Variants in MFSD1 observed in about 807,000 individuals in gnomAD.
The protein encoded by MFSD1 is lysosomal dipeptide transporter MFSD1.
Under a neutral mutation model 67.1 loss-of-function variants are expected in MFSD1, and 59 were observed. The ratio of observed to expected loss-of-function variants is 0.88; its 90% CI spans 0.71 to 1.09. The LOEUF (loss-of-function observed/expected upper bound fraction) is 1.09. MFSD1 is among the 50% of genes least tolerant of loss of function. MFSD1 has a pLI of 0.00. For synonymous variants in MFSD1, 213 were observed against 200.3 expected (o/e 1.06, Z -0.54); for missense variants, 552 against 566.1 (o/e 0.97, Z 0.25).
intron 2 of MFSD1, 119 bp downstream of exon 2, chr3:158,804,490 T>C: frequency 4.4e-6 from 3 of 680,736 alleles, no homozygotes; most frequent in Non-Finnish European, 4.8e-6. Flanking sequence ...TTTTGACATC[T>C]GTAGTCACCA....
chr3:158,807,510 T>C, intron 5 of MFSD1, 47 bp downstream of exon 5: 3 of 1,433,888 alleles, frequency 2.1e-6, no homozygotes, highest in Non-Finnish European at 2.9e-6. Flanking sequence ...ATTGTTTTAG[T>C]GTTCATCTAT....
Position 158,802,148 on chromosome 3 carries a change from G to A in MFSD1, c.-5G>A. The A allele has an allele frequency of 6.2e-7, 1 of 1,612,556 alleles. No homozygotes were observed. Among genetic ancestry groups the A allele is most frequent in the Non-Finnish European group, 8.5e-7 (1 of 1,179,690 alleles). On this transcript the variant is annotated 5_prime_UTR_variant, in exon 1 of 16. Coordinates refer to ENST00000415822, the MANE Select transcript of MFSD1 (RefSeq NM_022736.4). The stretch of plus-strand genomic sequence containing the variant: ...ACTTTCCCCTCTCCGTCTCCTGCGG[G>A]CGCAATGGAGGAGGAGGATGAGGAA...
chr3:158,820,120 T>C, intron 8 of MFSD1, 95 bp from the exon 9 acceptor site: 1 of 674,508 alleles, frequency 1.5e-6, no homozygotes, highest in Non-Finnish European at 2.6e-6. Context: ...TTGCAAAGAT[T>C]AATCACAAGA....
At chr3:158,820,418 T>A in intron 9 of MFSD1, 92 bp downstream of exon 9, 1 of 829,512 alleles carries the variant, frequency 1.2e-6, no homozygotes, top group Non-Finnish European at 2.0e-6. Context: ...TAAATCTTGC[T>A]TCTCTGGTTA....
At chr3:158,807,174 G>A (rs546450473) in intron 4 of MFSD1, 92 bp downstream of exon 4, 1 of 1,220,688 alleles carries the variant, frequency 8.2e-7, no homozygotes, top group African/African-American at 1.5e-5. Context: ...TTTAATTAAT[G>A]CCTAGCTTAA....
rs58055234 is a variant in MFSD1, at chr3:158,819,626, CTTTTTTT to C, written c.653-13_653-7del. The C allele has an allele frequency of 9.0e-5, 101 of 1,120,866 alleles. No homozygotes were observed. The highest frequency in any genetic ancestry group is 4.3e-4 in the Middle Eastern group (2 of 4,700). The allele number at this position is 1,120,866 out of a possible 1,614,324, so 69.4% of individuals were successfully genotyped here. On this transcript the variant is annotated splice_polypyrimidine_tract_variant and intron_variant, in intron 7 of 15. Coordinates refer to ENST00000415822, the MANE Select transcript of MFSD1 (RefSeq NM_022736.4). ...GGTTCTCTTTTCAAAGTCTGTTTTT[CTTTTTTT>C]TTTTTTTTTATTTAGGGGGTATAAC...
At chr3:158,806,477 G>A (rs1729734549) in intron 3 of MFSD1, among the ~76,000 whole-genome samples, 1 of 152,178 alleles carries the variant, frequency 6.6e-6, no homozygotes, top group Non-Finnish European at 1.5e-5. Context: ...TACCCTGATG[G>A]CCTTTAAGGA....
chr3:158,816,686 T>C (rs1200407387), intron 7 of MFSD1, among the ~76,000 whole-genome samples: 1 of 151,600 alleles, frequency 6.6e-6, no homozygotes, highest in African/African-American at 2.4e-5. Context: ...TGGCTTTTGT[T>C]GCCATTGCTT....
At chr3:158,827,358 A>C in intron 15 of MFSD1, 21 bp downstream of exon 15, 1 of 1,391,736 alleles carries the variant, frequency 7.2e-7, no homozygotes, top group Non-Finnish European at 9.7e-7. Flanking sequence ...AAAGGGTAAA[A>C]AGTTGTCTTT....
chr3:158,811,111 A>T (rs1729983769), intron 6 of MFSD1, among the ~76,000 whole-genome samples: 1 of 152,150 alleles, frequency 6.6e-6, no homozygotes, highest in Non-Finnish European at 1.5e-5. Flanking sequence ...TTCTCTGTGT[A>T]TGTATTTTCT....
At chr3:158,815,742 T>C (rs1730295411) in intron 7 of MFSD1, among the ~76,000 whole-genome samples, 1 of 151,752 alleles carries the variant, frequency 6.6e-6, no homozygotes, top group East Asian at 1.9e-4. Context: ...CATGCTGGTG[T>C]GCTGCACCCA....
intron 5 of MFSD1, 27 bp from the exon 6 acceptor site, chr3:158,809,152 G>GTT: frequency 7.5e-7 from 1 of 1,335,354 alleles, no homozygotes; most frequent in Non-Finnish European, 1.0e-6. Context: ...TGTGACTTCT[G>GTT]GTTTTTTTTT....
In MFSD1 at chr3:158,802,307, T is replaced by C. The variant is rs1200449232; in HGVS notation, c.155T>C (p.Leu52Pro). ...RLLVLLLMCF[L>P]GFGSYFCYDN... ...TTGGTGCTGTTACTGATGTGCTTCC[T>C]TGGCTTTGGTGAGCCGGCCGGGTGG... The change falls in exon 1 of 16, where the codon CTT becomes CCT. Residue 52 changes from leucine to proline, a missense_variant. By Grantham distance (98) the Leu-to-Pro change is moderately conservative (BLOSUM62 -3). Coordinates refer to ENST00000415822, the MANE Select transcript of MFSD1 (RefSeq NM_022736.4). 6.2e-7 allele frequency: 1 copy of C among 1,609,368 alleles called. No individual in the cohort carries two copies.
chr3:158,806,398 A>G (rs554250161), intron 3 of MFSD1, among the ~76,000 whole-genome samples: 2 of 152,318 alleles, frequency 1.3e-5, no homozygotes, highest in East Asian at 3.9e-4. Flanking sequence ...GCTAGAGAAC[A>G]TTCAGTAGAA....
At chr3:158,805,533 T>C in intron 3 of MFSD1, 59 bp downstream of exon 3, 1 of 1,194,116 alleles carries the variant, frequency 8.4e-7, no homozygotes, top group African/African-American at 1.5e-5. Context: ...AATACAGAGC[T>C]AGATTAAGGT....
chr3:158,809,525 T>C (rs1729895954), intron 6 of MFSD1, among the ~76,000 whole-genome samples: 1 of 152,174 alleles, frequency 6.6e-6, no homozygotes, highest in Admixed American at 6.5e-5. Context: ...AATCTGAGCA[T>C]AGGGAGAGAT....
rs373138059 is a variant in MFSD1 at position 158,816,150 on chromosome 3, G to A, written c.652+2083G>A. On this transcript the variant is annotated intron_variant, in intron 7 of 15. Transcript: ENST00000415822. ...TGTCTTTATAGCAGCATGATTTATA[G>A]TCCTTTGGGTATATACCCAGTAATG... Among the ~76,000 whole-genome samples, 63 of 151,988 alleles carry A rather than the reference G, an allele frequency of 4.1e-4. No homozygotes were observed. In the East Asian group the frequency reaches 5.4e-3, roughly 13 times the overall value.
rs768894588 is a variant in MFSD1 at position 158,822,078 on chromosome 3, G to A, written c.1015G>A (p.Ala339Thr). ...CATCATCTGGGTTCTTTGCGCAGTA[G>A]CAGCCACTCTTGTGTCCCACATGAT... is the stretch of plus-strand genomic sequence containing the variant. ...KNIIWVLCAV[A>T]ATLVSHMMLA... Residue 339 changes from alanine to threonine, a missense_variant, in exon 11 of 16, where the codon GCA becomes ACA. Physicochemically the swap from Ala to Thr is moderately conservative, Grantham distance 58 (BLOSUM62 0). Transcript: ENST00000415822. 1 of 1,613,898 alleles carries A rather than the reference G, an allele frequency of 6.2e-7. No individual in the cohort carries two copies. Among genetic ancestry groups the A allele is most frequent in the Non-Finnish European group, 8.5e-7 (1 of 1,179,892 alleles).
At position 158,822,098 on chromosome 3, in the gene MFSD1, C is replaced by T. The variant is rs763107315; in HGVS notation, c.1035C>T (p.His345=). 2.7e-5 allele frequency: 43 copies of T among 1,613,780 alleles called. No individual in the cohort carries two copies. The East Asian group carries it at 9.1e-4, about 34-fold the overall frequency. The change falls in exon 11 of 16, where the codon CAC becomes CAT. Residue 345 remains histidine (H), a synonymous_variant. Transcript: ENST00000415822. ...CAGTAGCAGCCACTCTTGTGTCCCACATGATGCTGGCCTTTACGATGTGGA... is the reference window on the plus strand; with the variant it reads ...CAGTAGCAGCCACTCTTGTGTCCCATATGATGCTGGCCTTTACGATGTGGA... The part of the protein sequence containing the change: ...LCAVAATLVS[H]MMLAFTMWNP...
Sources: gnomAD v4.1 joint callset for allele counts (sites outside exome capture counted in the v4.1 genomes callset) on GRCh38, gnomAD v4.1.1 for gene constraint, MANE v1.5 for transcripts, NCBI Gene and HGNC (gene_info 2026-07-23, HGNC 2026-07-21) for gene names.